Variants in ADGRE2 observed in about 807,000 individuals in gnomAD.
ADGRE2 encodes the protein CD97 antigen.
A neutral mutation model predicts 100.8 loss-of-function variants in ADGRE2; 83 were observed. The observed-to-expected ratio is 0.82, with a 90% CI of 0.69 to 0.99. ADGRE2 has a LOEUF of 0.99. Among genes scored for constraint, ADGRE2 ranks in the 50% least tolerant of loss-of-function variants. The pLI is 0.00. For synonymous variants in ADGRE2, 355 were observed against 413.0 expected, an observed-to-expected ratio of 0.86 and a Z score of 1.70; for missense variants, 814 against 1,035.7, an observed-to-expected ratio of 0.79 and a Z score of 2.94.
intron 10 of ADGRE2, 119 bp downstream of exon 10, chr19:14,765,201 A>T: frequency 1.0e-6 from 1 of 972,932 alleles, no homozygotes; most frequent in Non-Finnish European, 1.6e-6. Flanking sequence ...AGATGCTGGG[A>T]GTCAGACCAG....
Position 14,770,660 on chromosome 19 carries a change from C to CTTTCT in ADGRE2, c.355+1677_355+1681dup, listed in dbSNP as rs1391110987. Among the ~76,000 whole-genome samples, 33 of 26,006 alleles carry CTTTCT rather than the reference C, an allele frequency of 1.3e-3. 7 individuals are homozygous for CTTTCT. Among genetic ancestry groups the CTTTCT allele is most frequent in the African/African-American group, 3.0e-3 (13 of 4,266 alleles). 17.1% of individuals were successfully genotyped at this position (26,006 alleles called of 152,430 possible). ...TCTGTTTCTCTTTTTCTTTTTGTTTCTTTCTTTTCTTTTTTTTTTTTTTTT... is the reference window on the plus strand; with the variant it reads ...TCTGTTTCTCTTTTTCTTTTTGTTTCTTTCTTTTCTTTTCTTTTTTTTTTTTTTTT... On this transcript the variant is annotated intron_variant, in intron 5 of 20. Transcript: ENST00000315576.
At chr19:14,757,219 T>G (rs1012726078) in intron 11 of ADGRE2, among the ~76,000 whole-genome samples, 1 of 152,132 alleles carries the variant, frequency 6.6e-6, no homozygotes, top group African/African-American at 2.4e-5. Context: ...TTGAAAGAAA[T>G]AAAAGGCCCT....
chr19:14,760,939 T>C (rs895868349), intron 11 of ADGRE2, among the ~76,000 whole-genome samples: 2 of 152,332 alleles, frequency 1.3e-5, no homozygotes, highest in Admixed American at 1.3e-4. Context: ...TTCTTTTCTA[T>C]GGATAATAAC....
chr19:14,764,576 G>T lies in ADGRE2; in HGVS notation c.941C>A (p.Ala314Asp). The change falls in exon 11 of 21, where the codon GCC becomes GAC. Residue 314 changes from alanine (A) to aspartate (D), a missense_variant. This residue lies in a region of ADGRE2 where 569 missense variants were observed against 692.7 expected (regional missense o/e 0.82). Coordinates refer to ENST00000315576, the MANE Select transcript of ADGRE2 (RefSeq NM_013447.4). ...GGGCAGGGTCTCCAGGTCCCCAGGGGCCTCCAGCAGCTCATCCAGCGCCTG... is the reference window on the plus strand; with the variant it reads ...GGGCAGGGTCTCCAGGTCCCCAGGGTCCTCCAGCAGCTCATCCAGCGCCTG... ...ILQALDELLE[A>D]PGDLETLPRL... 4 of 1,612,416 alleles carry T rather than the reference G, an allele frequency of 2.5e-6. No individual in the cohort carries two copies. The highest frequency in any genetic ancestry group is 3.4e-6 in the Non-Finnish European group (4 of 1,179,816).
chr19:14,746,902 G>T lies in ADGRE2; in HGVS notation c.2085C>A (p.Ile695=). ...CTCAGATGATGTCACTCACAGAGAA[G>T]ATGGCGCAGACAGGTCCAAGGAAGC... ...IWGFLGPVCA[I]FSVNLVLFLV... is the part of the protein sequence containing the mutation. The change falls in exon 17 of 21, where the codon ATC becomes ATA. Residue 695 remains isoleucine, a synonymous_variant. Coordinates refer to ENST00000315576, the MANE Select transcript of ADGRE2 (RefSeq NM_013447.4). 1.2e-6 allele frequency: 2 copies of T among 1,613,840 alleles called. No homozygotes were observed. Among genetic ancestry groups the T allele is most frequent in the Non-Finnish European group, 1.7e-6 (2 of 1,179,898 alleles).
rs1271227562 is a variant in ADGRE2, at chr19:14,746,330, A to G, written c.2092-7T>C. On this transcript the variant is annotated splice_region_variant and splice_polypyrimidine_tract_variant and intron_variant, in intron 17 of 20. Coordinates refer to ENST00000315576, the MANE Select transcript of ADGRE2 (RefSeq NM_013447.4). Reference sequence around the variant, plus strand: ...GAAAGAGAACTAAATTCACCTTCAGAAAACCACAGAAGATTTGTTGAATAG... The same window carrying G: ...GAAAGAGAACTAAATTCACCTTCAGGAAACCACAGAAGATTTGTTGAATAG... 6.5e-7 allele frequency: 1 copy of G among 1,527,160 alleles called. No individual in the cohort carries two copies. Among genetic ancestry groups the G allele is most frequent in the South Asian group, 1.1e-5 (1 of 88,246 alleles). The allele number at this position is 1,527,160 out of a possible 1,614,324, so 94.6% of individuals were successfully genotyped here.
chr19:14,751,094 C>T (rs1324671837), intron 16 of ADGRE2, among the ~76,000 whole-genome samples: 2 of 152,026 alleles, frequency 1.3e-5, no homozygotes, highest in Non-Finnish European at 2.9e-5. Context: ...ATTCCAGGTG[C>T]GAGCCACTGA....
At chr19:14,767,454 T>C (rs1219331930) in intron 5 of ADGRE2, among the ~76,000 whole-genome samples, 1 of 152,074 alleles carries the variant, frequency 6.6e-6, no homozygotes, top group East Asian at 1.9e-4. Flanking sequence ...TTAGCCAGGA[T>C]GGTCTTGATC....
rs764142875 is a variant in ADGRE2 at position 14,756,272 on chromosome 19, G to A, written c.1158C>T (p.Leu386=). The change falls in exon 12 of 21, where the codon CTC becomes CTT. Residue 386 remains leucine (L), a synonymous_variant. Transcript: ENST00000315576. ...CAGATTTCTGTGCCTGATTCCAGTC[G>A]AGCTGCATCACTGCCTGATTCTGTC... The part of the protein sequence containing the change: ...TLRQNQAVMQ[L]DWNQAQKSGD... 25 of 1,613,834 alleles carry A rather than the reference G, an allele frequency of 1.5e-5. No homozygotes were observed. The highest frequency in any genetic ancestry group is 3.3e-5 in the Admixed American group (2 of 59,972).
chr19:14,743,870 C>A, intron 18 of ADGRE2, 86 bp from the exon 19 acceptor site: 1 of 1,225,060 alleles, frequency 8.2e-7, no homozygotes, highest in Non-Finnish European at 1.2e-6. Flanking sequence ...AGTCCCCTGC[C>A]CTCCCCTGTA....
intron 1 of ADGRE2, 49 bp from the exon 2 acceptor site, chr19:14,776,976 G>GCGCACGCGCACACACACA: frequency 9.8e-7 from 1 of 1,024,728 alleles, no homozygotes; most frequent in Non-Finnish European, 1.2e-6. Flanking sequence ...CAGGGGCGCT[G>GCGCACGCGCACACACACA]CACACACACA....
Position 14,735,859 on chromosome 19 carries a change from G to C in ADGRE2, c.*377C>G, listed in dbSNP as rs545665732. The C allele has an allele frequency of 2.9e-5, 5 of 175,316 alleles. No homozygotes were observed. Among genetic ancestry groups the C allele is most frequent in the Non-Finnish European group, 6.0e-5 (5 of 82,976 alleles). The allele number at this position is 175,316 out of a possible 1,614,324, so 10.9% of individuals were successfully genotyped here. A position where few individuals can be genotyped will look rare whatever the true frequency, so the allele number is the denominator to read the frequency against. ...ATTCTAGTCCTTTCAGATGTTGTCG[G>C]TATGAAAGTCCTCTTAGGCTCGTTT... On this transcript the variant is annotated 3_prime_UTR_variant, in exon 21 of 21. Coordinates refer to ENST00000315576, the MANE Select transcript of ADGRE2 (RefSeq NM_013447.4).
downstream of ADGRE2, among the ~76,000 whole-genome samples, chr19:14,730,301 T>C (rs1366235904): frequency 6.6e-6 from 1 of 152,040 alleles, no homozygotes; most frequent in Non-Finnish European, 1.5e-5. Context: ...GTGATCTGCC[T>C]GCCTCAGTCT....
chr19:14,727,674 A>G (rs8109566), downstream of ADGRE2, among the ~76,000 whole-genome samples: 12,352 of 151,834 alleles, frequency 0.081, 1,720 homozygotes, highest in African/African-American at 0.28. Context: ...GGAGGGGACA[A>G]ACATCCAAAC....
intron 18 of ADGRE2, among the ~76,000 whole-genome samples, chr19:14,745,588 T>C (rs2043062788): frequency 6.6e-6 from 1 of 152,152 alleles, no homozygotes; most frequent in Non-Finnish European, 1.5e-5. Flanking sequence ...GACTCTGGAA[T>C]CTATCATTCT....
At chr19:14,769,413 G>A (rs1031389382) in intron 5 of ADGRE2, among the ~76,000 whole-genome samples, 1 of 152,158 alleles carries the variant, frequency 6.6e-6, no homozygotes, top group African/African-American at 2.4e-5. Context: ...AGCTGAGGGA[G>A]TGGCCCCAGG....
intron 10 of ADGRE2, among the ~76,000 whole-genome samples, chr19:14,764,835 G>A (rs1390142452): frequency 6.6e-6 from 1 of 152,188 alleles, no homozygotes; most frequent in Non-Finnish European, 1.5e-5. Context: ...TGGCCAACAT[G>A]GTGAAACCCC....
intron 4 of ADGRE2, among the ~76,000 whole-genome samples, chr19:14,773,157 AC>A (rs1038286210): frequency 2.0e-5 from 3 of 148,804 alleles, no homozygotes; most frequent in East Asian, 2.0e-4. Context: ...GCCAGAATGT[AC>A]CCCCTTCCCA....
rs1193859152 is a variant in ADGRE2, at chr19:14,774,066, G to C, written c.83-12C>G. The stretch of plus-strand genomic sequence containing the variant: ...CCACCGGGCACAGCCTGCAAGAGCA[G>C]GGAGCACGGTCAGAAGGTGAGGGGT... On this transcript the variant is annotated splice_polypyrimidine_tract_variant and intron_variant, in intron 3 of 20. Transcript: ENST00000315576. 3 of 1,611,892 alleles carry C rather than the reference G, an allele frequency of 1.9e-6. No homozygotes were observed. The highest frequency in any genetic ancestry group is 2.5e-6 in the Non-Finnish European group (3 of 1,178,282).
Sources: gnomAD v4.1 joint callset for allele counts (sites outside exome capture counted in the v4.1 genomes callset) on GRCh38, gnomAD v4.1.1 for gene constraint, gnomAD v4.1.1 regional missense constraint, MANE v1.5 for transcripts, NCBI Gene and HGNC (gene_info 2026-07-23, HGNC 2026-07-21) for gene names.